Variants in ZMYM4 observed in about 807,000 individuals in gnomAD.
The protein encoded by ZMYM4 is zinc finger MYM-type containing 4, also known as zinc finger MYM-type protein 4.
A neutral mutation model predicts 183.2 loss-of-function variants in ZMYM4; 31 were observed. The observed-to-expected ratio is 0.17, with a 90% CI of 0.13 to 0.23. The LOEUF is 0.23. Ranked by LOEUF, ZMYM4 falls within the 10% of genes least tolerant of loss-of-function variation. The pLI is 1.00. For missense variants in ZMYM4, 1,273 were observed against 1,840.3 expected (o/e 0.69, Z 5.64); for synonymous variants, 592 against 631.2 (o/e 0.94, Z 0.93).
chr1:35,286,772 ATTTTTTTTTTTTTTTTTT>A (rs71062872), intron 1 of ZMYM4, among the ~76,000 whole-genome samples: 115 of 46,530 alleles, frequency 2.5e-3, no homozygotes, highest in African/African-American at 5.9e-3. Context: ...TATTTAAATA[ATTTTTTTTTTTTTTTTTT>A]TTTTTTTTTT....
rs1013941289 is a variant in ZMYM4, at chr1:35,355,200, C to CTTTT, written c.86-3701_86-3698dup. Among the ~76,000 whole-genome samples, 7 of 77,176 alleles carry CTTTT rather than the reference C, an allele frequency of 9.1e-5. 1 individual carries two copies. Among genetic ancestry groups the CTTTT allele is most frequent in the East Asian group, 3.2e-4 (1 of 3,120 alleles). 50.6% of individuals were successfully genotyped at this position (77,176 alleles called of 152,430 possible). A position where few individuals can be genotyped will look rare whatever the true frequency, so the allele number is the denominator to read the frequency against. Reference sequence around the variant, plus strand: ...AGGTGCCCGTCACCACGCCTGGCTTCTTTTTTTTTTTTTTTTTTTTTTTTT... The same window carrying CTTTT: ...AGGTGCCCGTCACCACGCCTGGCTTCTTTTTTTTTTTTTTTTTTTTTTTTTTTTT... On this transcript the variant is annotated intron_variant, in intron 2 of 29. Coordinates refer to ENST00000314607, the MANE Select transcript of ZMYM4 (RefSeq NM_005095.3).
In ZMYM4 at chr1:35,361,631, C is replaced by A; in HGVS notation, c.682C>A (p.Pro228Thr). The A allele has an allele frequency of 1.9e-6, 3 of 1,611,628 alleles. No homozygotes were observed. Among genetic ancestry groups the A allele is most frequent in the Non-Finnish European group, 2.5e-6 (3 of 1,179,308 alleles). Reference sequence around the variant, plus strand: ...TATTGTGTTTTAGGATTCCAGCTACCCATTTGCCAATAAAGAATCCATTGG... The same window carrying A: ...TATTGTGTTTTAGGATTCCAGCTACACATTTGCCAATAAAGAATCCATTGG... Reference protein sequence around the residue: ...PETNFRDSSYPFANKESIGSE... With the variant: ...PETNFRDSSYTFANKESIGSE... The change falls in exon 5 of 30, where the codon CCA becomes ACA. Residue 228 changes from proline to threonine, a missense_variant. Pro to Thr is a conservative substitution (Grantham distance 38). Coordinates refer to ENST00000314607, the MANE Select transcript of ZMYM4 (RefSeq NM_005095.3).
chr1:35,413,819 T>G (rs1640007274), intron 26 of ZMYM4, among the ~76,000 whole-genome samples, 153 bp from the exon 27 acceptor site: 1 of 152,242 alleles, frequency 6.6e-6, no homozygotes, highest in South Asian at 2.1e-4. Flanking sequence ...TCTAGTGTTT[T>G]AACAACTATC....
Position 35,421,006 on chromosome 1 carries a change from T to C in ZMYM4, c.*1329T>C, listed in dbSNP as rs1031173115. The C allele has an allele frequency of 6.6e-6, 1 of 152,270 alleles. No individual in the cohort carries two copies. The highest frequency in any genetic ancestry group is 1.9e-4 in the East Asian group (1 of 5,198). The allele number at this position is 152,270 out of a possible 1,614,324, so 9.4% of individuals were successfully genotyped here. A position where few individuals can be genotyped will look rare whatever the true frequency, so the allele number is the denominator to read the frequency against. Reference sequence around the variant, plus strand: ...TTCTCAGTTTCTTCCCCACAAAATTTGGAATCAAAGCTTTTATGACGTTTG... The same window carrying C: ...TTCTCAGTTTCTTCCCCACAAAATTCGGAATCAAAGCTTTTATGACGTTTG... On this transcript the variant is annotated 3_prime_UTR_variant, in exon 30 of 30. Transcript: ENST00000314607.
chr1:35,387,555 A>G lies in ZMYM4; in HGVS notation c.2214A>G (p.Val738=). ...MCEYCKIEKI[V]KETVRFSGAD... is the part of the protein sequence containing the mutation. ...AATATTGTAAAATTGAGAAAATTGTAAAGGAGACTGTTCGGTTCTCAGGTG... is the reference window on the plus strand; with the variant it reads ...AATATTGTAAAATTGAGAAAATTGTGAAGGAGACTGTTCGGTTCTCAGGTG... Residue 738 remains valine (V), a synonymous_variant, in exon 13 of 30, where the codon GTA becomes GTG. Transcript: ENST00000314607. 6.2e-7 allele frequency: 1 copy of G among 1,613,888 alleles called. No individual in the cohort carries two copies. Among genetic ancestry groups the G allele is most frequent in the African/African-American group, 1.3e-5 (1 of 75,052 alleles).
At chr1:35,414,124 C>T (rs1640019482) in intron 27 of ZMYM4, 41 bp downstream of exon 27, 3 of 1,158,934 alleles carry the variant, frequency 2.6e-6, no homozygotes, top group Non-Finnish European at 2.5e-6. Context: ...GATATGCTTT[C>T]TTAAATTGCT....
chr1:35,390,152 TG>T, intron 15 of ZMYM4, 54 bp downstream of exon 15: 1 of 1,559,866 alleles, frequency 6.4e-7, no homozygotes, highest in Admixed American at 1.8e-5. Context: ...TAGGAACTAC[TG>T]TTCTTTTACA....
intron 1 of ZMYM4, among the ~76,000 whole-genome samples, chr1:35,281,679 T>A (rs199860361): frequency 4.5e-5 from 6 of 132,732 alleles, no homozygotes; most frequent in Admixed American, 7.5e-5. Flanking sequence ...TATATATATA[T>A]AATATAACAT....
At chr1:35,290,370 C>T (rs1455998050) in intron 1 of ZMYM4, among the ~76,000 whole-genome samples, 1 of 152,196 alleles carries the variant, frequency 6.6e-6, no homozygotes, top group South Asian at 2.1e-4. Flanking sequence ...TATTTCTTTG[C>T]AGGTATGTGT....
chr1:35,282,761 A>G (rs1318001474), intron 1 of ZMYM4, among the ~76,000 whole-genome samples: 1 of 151,880 alleles, frequency 6.6e-6, no homozygotes, highest in Non-Finnish European at 1.5e-5. Flanking sequence ...TGGCCATGTT[A>G]CCAAGGCTGG....
chr1:35,359,411 A>T lies in ZMYM4; in HGVS notation c.572A>T (p.Asp191Val). The stretch of plus-strand genomic sequence containing the variant: ...TTGGATAAACCCCATAAAGATTTGG[A>T]TTCAAGGTTGAAAAGCAGTTTTTTT... ...KRLDKPHKDL[D>V]SRLKSSFFDK... Residue 191 changes from aspartate to valine, a missense_variant, in exon 3 of 30, where the codon GAT becomes GTT. Asp to Val is a radical substitution (Grantham distance 152). Around this residue, in one of 6 missense-constraint regions of ZMYM4, gnomAD observed 384 missense variants for 465.6 expected, o/e 0.82. Coordinates refer to ENST00000314607, the MANE Select transcript of ZMYM4 (RefSeq NM_005095.3). 6.4e-7 allele frequency: 1 copy of T among 1,573,194 alleles called. No homozygotes were observed.
intron 25 of ZMYM4, among the ~76,000 whole-genome samples, chr1:35,407,693 C>A (rs1053347323): frequency 6.6e-5 from 10 of 152,182 alleles, no homozygotes; most frequent in African/African-American, 2.2e-4. Flanking sequence ...AACTCTTCCT[C>A]ACCTTTTAAG....
rs1326951687 is a variant in ZMYM4 at position 35,359,280 on chromosome 1, CTTTAAATCAATA to C, written c.442_453del (p.Phe148_Ile151del). ...CTAAACAATTTGATCAGGTTTCTGT[CTTTAAATCAATA>C]CGGAAAGATTTTAGTCTAGTAAGAG... is the stretch of plus-strand genomic sequence containing the variant. On this transcript the variant is annotated inframe_deletion, in exon 3 of 30. Transcript: ENST00000314607. The C allele has an allele frequency of 6.2e-7, 1 of 1,608,306 alleles. No homozygotes were observed. Among genetic ancestry groups the C allele is most frequent in the Admixed American group, 1.7e-5 (1 of 58,802 alleles).
chr1:35,403,804 T>C (rs1644955068), intron 23 of ZMYM4, among the ~76,000 whole-genome samples: 1 of 152,220 alleles, frequency 6.6e-6, no homozygotes, highest in South Asian at 2.1e-4. Flanking sequence ...TATGATGGAA[T>C]TTAATCCATC....
In ZMYM4 at chr1:35,359,067, T is replaced by G. The variant is rs1423409130; in HGVS notation, c.228T>G (p.Ser76=). The change falls in exon 3 of 30, where the codon TCT becomes TCG. Residue 76 remains serine, a synonymous_variant. Transcript: ENST00000314607. The part of the protein sequence containing the change: ...LLDEDDYFLN[S]GDLAGIPVVG... Reference sequence around the variant, plus strand: ...ATGAAGATGATTATTTTTTGAACTCTGGGGATCTTGCAGGAATTCCAGTCG... The same window carrying G: ...ATGAAGATGATTATTTTTTGAACTCGGGGGATCTTGCAGGAATTCCAGTCG... 6.2e-7 allele frequency: 1 copy of G among 1,613,792 alleles called. No individual in the cohort carries two copies. Among genetic ancestry groups the G allele is most frequent in the Non-Finnish European group, 8.5e-7 (1 of 1,179,738 alleles).
rs569706957 is a variant in ZMYM4, at chr1:35,361,176, T to G, written c.608-18T>G. 9.0e-5 allele frequency: 142 copies of G among 1,575,862 alleles called. No individual in the cohort carries two copies. In the Middle Eastern group the frequency reaches 2.0e-3, roughly 22 times the overall value. On this transcript the variant is annotated intron_variant, in intron 3 of 29. Coordinates refer to ENST00000314607, the MANE Select transcript of ZMYM4 (RefSeq NM_005095.3). Reference sequence around the variant, plus strand: ...TTCATATACATGTGTTTGTTTGTTTTTTTTTTCCTTTCAATAGCTAATCAA... The same window carrying G: ...TTCATATACATGTGTTTGTTTGTTTGTTTTTTCCTTTCAATAGCTAATCAA...
At chr1:35,372,620 A>G (rs1449681901) in intron 7 of ZMYM4, among the ~76,000 whole-genome samples, 6 of 152,184 alleles carry the variant, frequency 3.9e-5, no homozygotes, top group African/African-American at 1.4e-4. Context: ...ACACACACAC[A>G]CAGGTTGAGT....
rs552668249 is a variant in ZMYM4 at position 35,419,964 on chromosome 1, G to A, written c.*287G>A. 7.8e-5 allele frequency: 30 copies of A among 384,310 alleles called. No individual in the cohort carries two copies. The highest frequency in any genetic ancestry group is 1.1e-4 in the Non-Finnish European group (22 of 203,034). The allele number at this position is 384,310 out of a possible 1,614,324, so 23.8% of individuals were successfully genotyped here. A position where few individuals can be genotyped will look rare whatever the true frequency, so the allele number is the denominator to read the frequency against. On this transcript the variant is annotated 3_prime_UTR_variant, in exon 30 of 30. Coordinates refer to ENST00000314607, the MANE Select transcript of ZMYM4 (RefSeq NM_005095.3). ...TTATTTTGTTTGGGAGTAACAAATCGTGGAATATTTTTAAGGAAAACTGTT... is the reference window on the plus strand; with the variant it reads ...TTATTTTGTTTGGGAGTAACAAATCATGGAATATTTTTAAGGAAAACTGTT...
intron 5 of ZMYM4, among the ~76,000 whole-genome samples, chr1:35,364,353 G>T (rs1277978180): frequency 1.3e-5 from 2 of 152,076 alleles, no homozygotes; most frequent in Non-Finnish European, 2.9e-5. Context: ...CCTTTTTGTT[G>T]TCAGCAATAC....
Sources: allele counts gnomAD v4.1 joint callset (sites outside exome capture counted in the v4.1 genomes callset), GRCh38; gene constraint gnomAD v4.1.1; regional missense constraint gnomAD v4.1.1; transcripts MANE v1.5; gene names NCBI Gene and HGNC (gene_info 2026-07-23, HGNC 2026-07-21).